Variants in PDE1C observed in about 807,000 individuals in gnomAD.
The protein encoded by PDE1C is phosphodiesterase 1C.
In PDE1C, 62 loss-of-function variants were observed where a neutral mutation model predicts 93.1. The ratio of observed to expected loss-of-function variants is 0.67; its 90% confidence interval spans 0.54 to 0.82. The LOEUF (loss-of-function observed/expected upper bound fraction) is 0.82. Among genes scored for constraint, PDE1C ranks in the 40% least tolerant of loss-of-function variants. The pLI is 0.00. For synonymous variants in PDE1C, 325 were observed against 310.1 expected (o/e 1.05, Z -0.50); for missense variants, 742 against 884.6 (o/e 0.84, Z 2.04).
At chr7:32,066,746 G>T (rs936525143) in intron 1 of PDE1C, among the ~76,000 whole-genome samples, 2 of 129,322 alleles carry the variant, frequency 1.5e-5, no homozygotes, top group African/African-American at 6.1e-5. Flanking sequence ...AATTCAGAGG[G>T]ACACAAAAAA....
At chr7:31,835,525 G>GGTGTGTGT (rs58539780) in intron 11 of PDE1C, among the ~76,000 whole-genome samples, 36 of 147,064 alleles carry the variant, frequency 2.4e-4, no homozygotes, top group African/African-American at 8.5e-4. Flanking sequence ...GGGGTGCTGC[G>GGTGTGTGT]GTGTGTGTGT....
chr7:32,370,700 T>C (rs1389078019), intron 1 of PDE1C, among the ~76,000 whole-genome samples: 1 of 152,008 alleles, frequency 6.6e-6, no homozygotes, highest in African/African-American at 2.4e-5. Flanking sequence ...GACCAGTTAA[T>C]GGGTGCAGCA....
chr7:31,755,074 G>A (rs1221579414), intron 17 of PDE1C, among the ~76,000 whole-genome samples: 1 of 152,116 alleles, frequency 6.6e-6, no homozygotes, highest in Admixed American at 6.6e-5. Context: ...CTGTACACAA[G>A]CACTCTATTC....
At chr7:32,187,353 A>C (rs1803952399) in intron 2 of PDE1C, among the ~76,000 whole-genome samples, 1 of 152,080 alleles carries the variant, frequency 6.6e-6, no homozygotes, top group Non-Finnish European at 1.5e-5. Context: ...TTATATTTTT[A>C]TCAACATCAA....
chr7:31,912,449 G>A (rs1801357397), intron 2 of PDE1C, among the ~76,000 whole-genome samples: 1 of 152,126 alleles, frequency 6.6e-6, no homozygotes, highest in African/African-American at 2.4e-5. Flanking sequence ...ACTTTGGGAG[G>A]CCGAGACAGG....
intron 1 of PDE1C, among the ~76,000 whole-genome samples, chr7:32,224,533 A>G (rs565095126): frequency 6.6e-6 from 1 of 152,310 alleles, no homozygotes; most frequent in East Asian, 1.9e-4. Flanking sequence ...AATATGTAAA[A>G]CACTTACAAC....
intron 2 of PDE1C, among the ~76,000 whole-genome samples, chr7:31,893,293 C>T (rs966545511): frequency 6.6e-6 from 1 of 152,142 alleles, no homozygotes; most frequent in African/African-American, 2.4e-5. Flanking sequence ...CAATTTCCTT[C>T]CAACTATACA....
chr7:32,311,171 T>A (rs1783029963), intron 1 of PDE1C, among the ~76,000 whole-genome samples: 1 of 152,172 alleles, frequency 6.6e-6, no homozygotes, highest in Non-Finnish European at 1.5e-5. Context: ...GATAAATTCC[T>A]CAACACATAC....
chr7:31,773,194 C>T (rs1231281744), intron 17 of PDE1C, among the ~76,000 whole-genome samples: 1 of 152,166 alleles, frequency 6.6e-6, no homozygotes, highest in Non-Finnish European at 1.5e-5. Context: ...CACCTCTGAC[C>T]ATCTCTCAAG....
At chr7:32,135,381 G>T (rs922927341) in intron 3 of PDE1C, among the ~76,000 whole-genome samples, 2 of 152,004 alleles carry the variant, frequency 1.3e-5, no homozygotes, top group African/African-American at 2.4e-5. Context: ...CTGATAAGGG[G>T]TTAATATAAA....
chr7:32,360,069 C>T (rs1013568491), intron 1 of PDE1C, among the ~76,000 whole-genome samples: 1 of 152,148 alleles, frequency 6.6e-6, no homozygotes, highest in Non-Finnish European at 1.5e-5. Context: ...ACTCTGAATT[C>T]CACACCGAGC....
At chr7:31,905,382 C>T (rs558605930) in intron 2 of PDE1C, among the ~76,000 whole-genome samples, 1 of 152,044 alleles carries the variant, frequency 6.6e-6, no homozygotes, top group Admixed American at 6.6e-5. Context: ...AATGTTATGC[C>T]ATCTATTTTT....
At chr7:32,251,907 G>A (rs1809418881) in intron 1 of PDE1C, among the ~76,000 whole-genome samples, 1 of 152,176 alleles carries the variant, frequency 6.6e-6, no homozygotes, top group Non-Finnish European at 1.5e-5. Context: ...TCCAGCCACA[G>A]TGAGGTCCTT....
chr7:31,754,387 A>G (rs904065023), intron 17 of PDE1C, among the ~76,000 whole-genome samples: 1 of 152,200 alleles, frequency 6.6e-6, no homozygotes, highest in African/African-American at 2.4e-5. Context: ...CATCCTAGGT[A>G]TTTACCCAAT....
chr7:31,756,021 C>T (rs1308136476), intron 17 of PDE1C, among the ~76,000 whole-genome samples: 2 of 152,076 alleles, frequency 1.3e-5, no homozygotes, highest in Middle Eastern at 3.2e-3. Flanking sequence ...CAAAAATTAG[C>T]TGGGTGTGGT....
chr7:32,061,789 G>A (rs1434781050), intron 1 of PDE1C, among the ~76,000 whole-genome samples: 1 of 152,160 alleles, frequency 6.6e-6, no homozygotes. Flanking sequence ...ATTATTAGCT[G>A]GCCTAAGTAA....
the PDE1C span, among the ~76,000 whole-genome samples, chr7:31,732,639 TG>T: frequency 6.0e-4 from 7 of 11,616 alleles, no homozygotes; most frequent in African/African-American, 8.2e-4. Context: ...CCTCTCTTTC[TG>T]TGTGTGTGTG....
chr7:32,347,795 A>T (rs564545224), intron 1 of PDE1C, among the ~76,000 whole-genome samples: 1 of 152,268 alleles, frequency 6.6e-6, no homozygotes, highest in African/African-American at 2.4e-5. Context: ...ATTTTGATGA[A>T]CTCCAAAGCA....
At chr7:31,868,568 A>G (rs912836827) in intron 6 of PDE1C, among the ~76,000 whole-genome samples, 1 of 152,130 alleles carries the variant, frequency 6.6e-6, no homozygotes, top group African/African-American at 2.4e-5. Context: ...ACAACCAAAT[A>G]TTTGCATTTT....
Sources: gnomAD v4.1 joint callset for allele counts (sites outside exome capture counted in the v4.1 genomes callset) on GRCh38, gnomAD v4.1.1 for gene constraint, MANE v1.5 for transcripts, NCBI Gene and HGNC (gene_info 2026-07-23, HGNC 2026-07-21) for gene names.